The following RAB38 variants were observed in gnomAD, a reference collection of about 807,000 sequenced individuals.
RAB38 encodes the protein RAB38, member RAS oncogene family, also known as ras-related protein Rab-38.
A neutral mutation model predicts 18.4 loss-of-function variants in RAB38; 15 were observed. The ratio of observed to expected loss-of-function variants is 0.82; its 90% CI spans 0.55 to 1.26. The LOEUF (loss-of-function observed/expected upper bound fraction) is 1.26, where lower values mean the gene tolerates loss of function less well. Ranked by LOEUF, RAB38 falls within the 50% of genes most tolerant of loss-of-function variation. The probability of loss-of-function intolerance (pLI) is 0.00; values close to 1 mark genes in which losing one functional copy is unlikely to be tolerated. For missense variants in RAB38, 294 were observed against 267.4 expected (o/e 1.10, Z -0.69); for synonymous variants, 101 against 104.4 (o/e 0.97, Z 0.20).
the RAB38 span, among the ~76,000 whole-genome samples, chr11:87,966,893 A>G: frequency 6.6e-6 from 1 of 152,218 alleles, no homozygotes; most frequent in South Asian, 2.1e-4. Context: ...ATTTCTCAAA[A>G]GAGAGGCTTA....
intron 2 of RAB38, among the ~76,000 whole-genome samples, chr11:88,140,662 G>T (rs372363900): frequency 3.3e-5 from 5 of 152,162 alleles, no homozygotes; most frequent in Non-Finnish European, 7.3e-5. Context: ...TAGGAGGCAC[G>T]TTCCAGGCAG....
intron 1 of RAB38, among the ~76,000 whole-genome samples, chr11:88,160,158 G>A (rs1277640203): frequency 1.3e-5 from 2 of 151,942 alleles, no homozygotes; most frequent in Non-Finnish European, 2.9e-5. Flanking sequence ...CTAAAAAAAT[G>A]GGCAAAAACA....
chr11:88,159,199 CAATAAATAAATAAATA>C (rs58379713), intron 1 of RAB38, among the ~76,000 whole-genome samples: 2 of 142,306 alleles, frequency 1.4e-5, no homozygotes, highest in Non-Finnish European at 3.1e-5. Flanking sequence ...ACAATAGCAG[CAATAAATAAATAAATA>C]AATAAATAAA....
the RAB38 span, among the ~76,000 whole-genome samples, chr11:88,092,890 A>G: frequency 6.6e-6 from 1 of 151,838 alleles, no homozygotes; most frequent in African/African-American, 2.4e-5. Context: ...ATGAGAGTTC[A>G]TTCTAAGATA....
the RAB38 span, among the ~76,000 whole-genome samples, chr11:87,917,514 T>C: frequency 4.0e-5 from 6 of 150,060 alleles, no homozygotes; most frequent in African/African-American, 1.5e-4. Flanking sequence ...CTTATTTCAC[T>C]TGTCTCACTG....
the RAB38 span, among the ~76,000 whole-genome samples, chr11:87,869,445 G>T: frequency 6.6e-6 from 1 of 151,606 alleles, no homozygotes; most frequent in Non-Finnish European, 1.5e-5. Flanking sequence ...CCAAATTACT[G>T]CTCTGCTTAC....
At chr11:88,027,097 C>A in the RAB38 span, among the ~76,000 whole-genome samples, 25 of 152,038 alleles carry the variant, frequency 1.6e-4, 1 homozygote, top group South Asian at 1.9e-3. Context: ...ATAAAATAAA[C>A]GAAGATTTTA....
the RAB38 span, among the ~76,000 whole-genome samples, chr11:87,976,301 T>C: frequency 1.4e-5 from 2 of 142,966 alleles, no homozygotes; most frequent in African/African-American, 5.1e-5. Flanking sequence ...CATACACACA[T>C]ATATATACAC....
At chr11:88,142,869 C>T (rs1942934024) in intron 2 of RAB38, among the ~76,000 whole-genome samples, 1 of 152,200 alleles carries the variant, frequency 6.6e-6, no homozygotes, top group Non-Finnish European at 1.5e-5. Flanking sequence ...ACTCACCCAA[C>T]AATTCCATGT....
the RAB38 span, among the ~76,000 whole-genome samples, chr11:87,829,856 G>A: frequency 6.6e-6 from 1 of 152,034 alleles, no homozygotes; most frequent in Non-Finnish European, 1.5e-5. Context: ...TTTACTAATA[G>A]CACATATTAA....
At chr11:88,166,119 G>A (rs1278642001) in intron 1 of RAB38, 1 of 152,234 alleles carries the variant, frequency 6.6e-6, no homozygotes, top group Non-Finnish European at 1.5e-5. Context: ...GCAAGCAGGA[G>A]CAAAGGCTCA....
the RAB38 span, among the ~76,000 whole-genome samples, chr11:87,892,326 A>C: frequency 6.6e-6 from 1 of 151,776 alleles, no homozygotes; most frequent in Non-Finnish European, 1.5e-5. Flanking sequence ...GTCCTAAAAA[A>C]TTTTGCCTGA....
At chr11:87,886,245 C>T in the RAB38 span, among the ~76,000 whole-genome samples, 1 of 151,880 alleles carries the variant, frequency 6.6e-6, no homozygotes, top group Non-Finnish European at 1.5e-5. Flanking sequence ...CGGACTTTGT[C>T]GTCCCCATGA....
At chr11:87,812,251 C>A in the RAB38 span, among the ~76,000 whole-genome samples, 1 of 151,850 alleles carries the variant, frequency 6.6e-6, no homozygotes, top group African/African-American at 2.4e-5. Context: ...TTTTGTTTTG[C>A]TAAATACAAA....
At chr11:87,866,294 A>G in the RAB38 span, among the ~76,000 whole-genome samples, 20 of 151,694 alleles carry the variant, frequency 1.3e-4, no homozygotes, top group Admixed American at 9.9e-4. Flanking sequence ...CTGGGCCTCT[A>G]TATGTACATT....
At chr11:88,171,273 G>A (rs1943309297) in intron 1 of RAB38, among the ~76,000 whole-genome samples, 1 of 152,184 alleles carries the variant, frequency 6.6e-6, no homozygotes, top group African/African-American at 2.4e-5. Flanking sequence ...CAGAGGCTAA[G>A]TAACTCACAC....
the RAB38 span, among the ~76,000 whole-genome samples, chr11:88,004,418 T>G: frequency 6.6e-6 from 1 of 151,138 alleles, no homozygotes; most frequent in African/African-American, 2.4e-5. Flanking sequence ...ATTTTAGAAA[T>G]TCAGTACCAA....
chr11:88,047,191 C>T, the RAB38 span, among the ~76,000 whole-genome samples: 3 of 152,210 alleles, frequency 2.0e-5, no homozygotes, highest in South Asian at 2.1e-4. Context: ...TTCAGCTGTA[C>T]TCACTCTTTG....
chr11:88,164,263 G>C (rs540550458), intron 1 of RAB38, among the ~76,000 whole-genome samples: 1 of 131,684 alleles, frequency 7.6e-6, no homozygotes, highest in Non-Finnish European at 1.7e-5. Flanking sequence ...TCTCGGTGGG[G>C]GGGGGTGCCA....
Sources: gnomAD v4.1 joint callset for allele counts (sites outside exome capture counted in the v4.1 genomes callset) on GRCh38, gnomAD v4.1.1 for gene constraint, MANE v1.5 for transcripts, NCBI Gene and HGNC (gene_info 2026-07-23, HGNC 2026-07-21) for gene names.